ITGAL: variants seen among roughly 807,000 people sequenced by gnomAD.
The protein encoded by ITGAL is integrin subunit alpha L.
In ITGAL, 68 loss-of-function variants were observed where a neutral mutation model predicts 138.4. The ratio of observed to expected loss-of-function variants is 0.49; its 90% confidence interval spans 0.40 to 0.60. The LOEUF (loss-of-function observed/expected upper bound fraction) is 0.60. ITGAL is among the 20% of genes least tolerant of loss of function. The pLI is 0.00. For synonymous variants in ITGAL, 561 were observed against 584.3 expected, an observed-to-expected ratio of 0.96 and a Z score of 0.57; for missense variants, 1,256 against 1,478.6, an observed-to-expected ratio of 0.85 and a Z score of 2.47.
chr16:30,474,446 A>G, intron 2 of ITGAL, 148 bp downstream of exon 2: 1 of 618,682 alleles, frequency 1.6e-6, no homozygotes, highest in South Asian at 1.9e-5. Flanking sequence ...TGTGGTGGGA[A>G]TCCTCAGAGA....
intron 15 of ITGAL, chr16:30,498,683 G>A (rs913701289): frequency 1.9e-5 from 3 of 159,896 alleles, no homozygotes; most frequent in Non-Finnish European, 4.1e-5. Context: ...AGGATTGCTT[G>A]AGCTCAGGAG....
Position 30,505,318 on chromosome 16 carries a change from G to T in ITGAL, c.2292+18G>T. 1 of 1,613,258 alleles carries T rather than the reference G, an allele frequency of 6.2e-7. No individual in the cohort carries two copies. The highest frequency in any genetic ancestry group is 1.1e-5 in the South Asian group (1 of 91,032). The stretch of plus-strand genomic sequence containing the variant: ...CCTGGGAGGTAAGAGGGGAGAAGGG[G>T]CAGGCAGAGAGGCCTGGGAACAAGT... On this transcript the variant is annotated intron_variant, in intron 19 of 30. Transcript: ENST00000356798.
Position 30,499,096 on chromosome 16 carries a change from G to A in ITGAL, c.1855G>A (p.Val619Ile), listed in dbSNP as rs1567477558. The change falls in exon 16 of 31, where the codon GTC becomes ATC. Residue 619 changes from valine to isoleucine, a missense_variant. By Grantham distance (29) the Val-to-Ile change is conservative (BLOSUM62 3). Coordinates refer to ENST00000356798, the MANE Select transcript of ITGAL (RefSeq NM_002209.3). ...VLSSRPVVDM[V>I]TLMSFSPAEI... ...CAGCTCCCGGCCCGTGGTGGATATGGTCACCCTGATGTCCTTCTCTCCAGC... is the reference window on the plus strand; with the variant it reads ...CAGCTCCCGGCCCGTGGTGGATATGATCACCCTGATGTCCTTCTCTCCAGC... The A allele has an allele frequency of 1.2e-6, 2 of 1,614,120 alleles. No individual in the cohort carries two copies. The highest frequency in any genetic ancestry group is 1.7e-6 in the Non-Finnish European group (2 of 1,180,020).
chr16:30,515,216 T>C (rs994871761), intron 25 of ITGAL, among the ~76,000 whole-genome samples: 16 of 152,210 alleles, frequency 1.1e-4, no homozygotes, highest in African/African-American at 3.4e-4. Context: ...GCACCATCTC[T>C]TTCTCAAGGA....
intron 9 of ITGAL, among the ~76,000 whole-genome samples, chr16:30,488,727 A>G (rs2151151344): frequency 6.7e-6 from 1 of 149,574 alleles, no homozygotes; most frequent in African/African-American, 2.5e-5. Context: ...AAAAAAAAAA[A>G]TTAGCCAGGT....
chr16:30,521,423 T>C, intron 30 of ITGAL, 69 bp from the exon 31 acceptor site: 1 of 1,418,124 alleles, frequency 7.1e-7, no homozygotes, highest in East Asian at 2.3e-5. Flanking sequence ...AAAAAAAGTG[T>C]TCTCACATTT....
intron 3 of ITGAL, 50 bp from the exon 4 acceptor site, chr16:30,475,463 C>G: frequency 6.3e-7 from 1 of 1,594,970 alleles, no homozygotes; most frequent in Non-Finnish European, 8.6e-7. Flanking sequence ...CTGGCCCCAG[C>G]CCACCTAGAC....
chr16:30,498,820 G>T, intron 15 of ITGAL: 1 of 370,464 alleles, frequency 2.7e-6, no homozygotes, highest in Non-Finnish European at 4.9e-6. Context: ...AGGATTACTA[G>T]AGCCTGGGAG....
intron 21 of ITGAL, among the ~76,000 whole-genome samples, chr16:30,507,862 T>G (rs1436388759): frequency 6.6e-6 from 1 of 152,116 alleles, no homozygotes; most frequent in African/African-American, 2.4e-5. Flanking sequence ...TATCTGTCAA[T>G]GAACACTTGA....
At position 30,494,268 on chromosome 16, in the gene ITGAL, GC is replaced by G; in HGVS notation, c.1274del (p.Pro425LeufsTer55). ...AAAGACTTCGTTGCTGGCCTCGGGA[GC>G]CCCTCGATACCAGCACATGGGCCGA... ...RQKTSLLASG[A>X]PRYQHMGRVL... On this transcript the variant is annotated frameshift_variant, in exon 12 of 31. Transcript: ENST00000356798. LOFTEE classifies it high-confidence loss of function. The surrounding 1 kb of genome is among the most constrained non-coding windows in gnomAD (Gnocchi z 4.2). 1 of 1,613,180 alleles carries G rather than the reference GC, an allele frequency of 6.2e-7. No homozygotes were observed. The highest frequency in any genetic ancestry group is 8.5e-7 in the Non-Finnish European group (1 of 1,179,342).
Position 30,489,357 on chromosome 16 carries a change from T to C in ITGAL, c.1184T>C (p.Leu395Ser). Residue 395 changes from leucine to serine, a missense_variant, in exon 11 of 31, where the codon TTG becomes TCG. This residue lies in a region of ITGAL where 177 missense variants were observed against 288.8 expected (regional missense o/e 0.61). Transcript: ENST00000356798. Reference sequence around the variant, plus strand: ...GACACATTTATTGGGAATGAACCATTGACACCAGAAGTGAGAGCAGGCTAT... The same window carrying C: ...GACACATTTATTGGGAATGAACCATCGACACCAGAAGTGAGAGCAGGCTAT... Reference protein sequence around the residue: ...QDDTFIGNEPLTPEVRAGYLG... With the variant: ...QDDTFIGNEPSTPEVRAGYLG... The C allele has an allele frequency of 1.2e-6, 2 of 1,614,166 alleles. No homozygotes were observed. Among genetic ancestry groups the C allele is most frequent in the East Asian group, 4.5e-5 (2 of 44,884 alleles).
Position 30,521,764 on chromosome 16 carries a change from C to G in ITGAL, c.*99C>G. 1.7e-6 allele frequency: 2 copies of G among 1,160,940 alleles called. No individual in the cohort carries two copies. The highest frequency in any genetic ancestry group is 1.5e-5 in the South Asian group (1 of 66,660). The allele number at this position is 1,160,940 out of a possible 1,614,324, so 71.9% of individuals were successfully genotyped here. A position where few individuals can be genotyped will look rare whatever the true frequency, so the allele number is the denominator to read the frequency against. ...TTCTGCCGTGTGCCCTCGGGCGAGTCACTGCCTCTCCCTGGCCCTCAGTTT... is the reference window on the plus strand; with the variant it reads ...TTCTGCCGTGTGCCCTCGGGCGAGTGACTGCCTCTCCCTGGCCCTCAGTTT... On this transcript the variant is annotated 3_prime_UTR_variant, in exon 31 of 31. Transcript: ENST00000356798.
At chr16:30,475,081 G>C (rs2151140749) in intron 2 of ITGAL, among the ~76,000 whole-genome samples, 1 of 152,060 alleles carries the variant, frequency 6.6e-6, no homozygotes, top group South Asian at 2.1e-4. Flanking sequence ...CTGGTCTCAA[G>C]TTCCTGACCT....
At chr16:30,508,792 G>C (rs2151169686) in intron 21 of ITGAL, among the ~76,000 whole-genome samples, 1 of 152,164 alleles carries the variant, frequency 6.6e-6, no homozygotes, top group South Asian at 2.1e-4. Flanking sequence ...CCAGGAGTTT[G>C]AGGCTGCAGT....
intron 15 of ITGAL, among the ~76,000 whole-genome samples, chr16:30,498,041 C>T (rs1018136688): frequency 7.2e-5 from 11 of 151,770 alleles, no homozygotes; most frequent in Admixed American, 1.3e-4. Flanking sequence ...GTCAGGTGGA[C>T]GTGGTTGTGG....
intron 15 of ITGAL, among the ~76,000 whole-genome samples, chr16:30,498,004 G>A (rs950799135): frequency 2.6e-5 from 4 of 151,782 alleles, no homozygotes; most frequent in Admixed American, 1.3e-4. Context: ...AGCACTTTGG[G>A]AGGCCGAGGT....
Position 30,521,728 on chromosome 16 carries a change from CTCTGCCTGCAT to C in ITGAL, c.*70_*80del. On this transcript the variant is annotated 3_prime_UTR_variant, in exon 31 of 31. Coordinates refer to ENST00000356798, the MANE Select transcript of ITGAL (RefSeq NM_002209.3). Reference sequence around the variant, plus strand: ...CTCAGGATGCCCAGGGCCACTCTGCCTCTGCCTGCATTCTGCCGTGTGCCCTCGGGCGAGTC... The same window carrying C: ...CTCAGGATGCCCAGGGCCACTCTGCCTCTGCCGTGTGCCCTCGGGCGAGTC... The C allele has an allele frequency of 6.6e-7, 1 of 1,523,836 alleles. No homozygotes were observed. The highest frequency in any genetic ancestry group is 1.4e-5 in the African/African-American group (1 of 72,804). 94.4% of individuals were successfully genotyped at this position (1,523,836 alleles called of 1,614,324 possible).
At position 30,489,140 on chromosome 16, in the gene ITGAL, T is replaced by G; in HGVS notation, c.1065T>G (p.Ser355Arg). Residue 355 changes from serine (S) to arginine (R), a missense_variant, in exon 10 of 31, where the codon AGT (serine) becomes AGG (arginine). Transcript: ENST00000356798. ...TGGAGCTGTCCTCCAGCGGCATCAG[T>G]GCTGACCTCAGCAGGGTGCGTGCTG... The part of the protein sequence containing the change: ...FNMELSSSGI[S>R]ADLSRGHAVV... 6.2e-7 allele frequency: 1 copy of G among 1,614,104 alleles called. No homozygotes were observed. The highest frequency in any genetic ancestry group is 8.5e-7 in the Non-Finnish European group (1 of 1,180,026).
Position 30,483,879 on chromosome 16 carries a change from C to T in ITGAL, c.775C>T (p.Leu259Phe). The T allele has an allele frequency of 1.2e-6, 2 of 1,614,086 alleles. No individual in the cohort carries two copies. The highest frequency in any genetic ancestry group is 1.7e-6 in the Non-Finnish European group (2 of 1,179,988). ...LGARPDATKV[L>F]IIITDGEATD... ...GGCCCGGCCAGATGCCACCAAAGTGCTTATCATCATCACGGATGGGGAGGC... is the reference window on the plus strand; with the variant it reads ...GGCCCGGCCAGATGCCACCAAAGTGTTTATCATCATCACGGATGGGGAGGC... The change falls in exon 8 of 31, where the codon CTT becomes TTT. Residue 259 changes from leucine to phenylalanine, a missense_variant. By Grantham distance (22) the Leu-to-Phe change is conservative (BLOSUM62 0). Coordinates refer to ENST00000356798, the MANE Select transcript of ITGAL (RefSeq NM_002209.3).
Sources: allele counts gnomAD v4.1 joint callset (sites outside exome capture counted in the v4.1 genomes callset), GRCh38; gene constraint gnomAD v4.1.1; regional missense constraint gnomAD v4.1.1; non-coding constraint Gnocchi (gnomAD v3.1); transcripts MANE v1.5; gene names NCBI Gene and HGNC (gene_info 2026-07-23, HGNC 2026-07-21).